Variants in ABHD2 observed in about 807,000 individuals in gnomAD.
ABHD2 encodes the protein monoacylglycerol lipase ABHD2.
A neutral mutation model predicts 48.1 loss-of-function variants in ABHD2; 20 were observed. That is an observed-to-expected ratio of 0.42 (90% CI 0.29 to 0.60). The LOEUF (loss-of-function observed/expected upper bound fraction) is 0.60. ABHD2 is among the 20% of genes least tolerant of loss of function. The pLI, the probability that ABHD2 is intolerant of heterozygous loss-of-function variation, is 0.24. For missense variants in ABHD2, 405 were observed against 550.9 expected (o/e 0.74, Z 2.65); for synonymous variants, 209 against 214.2 (o/e 0.98, Z 0.21).
At chr15:89,058,866 G>A in the ABHD2 span, among the ~76,000 whole-genome samples, 1 of 152,186 alleles carries the variant, frequency 6.6e-6, no homozygotes. Context: ...AGTAATGGGT[G>A]GTGGCGCAGA....
Position 89,201,637 on chromosome 15 carries a change from G to A in ABHD2, c.*6214G>A. ...TTGGGCCTCACACAGTACCGGTGAG[G>A]CACGGTAGTCTTCACTTTGAAACAC... On this transcript the variant is annotated 3_prime_UTR_variant, in exon 11 of 11. Transcript: ENST00000352732. 6.3e-7 allele frequency: 1 copy of A among 1,598,276 alleles called. No homozygotes were observed. The highest frequency in any genetic ancestry group is 1.1e-5 in the South Asian group (1 of 90,750).
At chr15:89,148,055 G>A (rs756738784) in intron 3 of ABHD2, among the ~76,000 whole-genome samples, 4 of 148,424 alleles carry the variant, frequency 2.7e-5, no homozygotes, top group African/African-American at 9.9e-5. Context: ...GGAGGCAGAG[G>A]TAGCAGTGAG....
At chr15:89,118,779 G>A (rs1198272444) in intron 3 of ABHD2, among the ~76,000 whole-genome samples, 1 of 152,182 alleles carries the variant, frequency 6.6e-6, no homozygotes, top group African/African-American at 2.4e-5. Context: ...AAGTGTAAAA[G>A]AAAGCTGACT....
Position 89,164,365 on chromosome 15 carries a change from C to T in ABHD2, c.538+8831C>T, listed in dbSNP as rs545800694. 7.9e-5 allele frequency among the ~76,000 whole-genome samples: 12 copies of T among 152,252 alleles called. No homozygotes were observed. The highest frequency in any genetic ancestry group is 1.6e-4 in the Non-Finnish European group (11 of 68,018). On this transcript the variant is annotated intron_variant, in intron 5 of 10. Transcript: ENST00000352732. The surrounding 1 kb of genome is among the most constrained non-coding windows in gnomAD (Gnocchi z 5.0). Reference sequence around the variant, plus strand: ...TTATATTATTGTGTGTTAATCTCCTCCATCTAGTGTATCACTTAGAGAGAG... The same window carrying T: ...TTATATTATTGTGTGTTAATCTCCTTCATCTAGTGTATCACTTAGAGAGAG...
rs1395714993 is a variant in ABHD2 at position 89,104,278 on chromosome 15, A to G, written c.-106-9447A>G. ...GCTGAAAGAGATGGATGGGTGAGTGACCTCAGCTTTGCCCAGCTGGGGTGA... is the reference window on the plus strand; with the variant it reads ...GCTGAAAGAGATGGATGGGTGAGTGGCCTCAGCTTTGCCCAGCTGGGGTGA... On this transcript the variant is annotated intron_variant, in intron 1 of 10. Transcript: ENST00000352732. This position sits in a 1 kb window ranked among gnomAD's most constrained non-coding sequence, Gnocchi z 4.4. 6.6e-6 allele frequency: 1 copy of G among 152,174 alleles called. No individual in the cohort carries two copies. Among genetic ancestry groups the G allele is most frequent in the South Asian group, 2.1e-4 (1 of 4,832 alleles). 9.4% of individuals were successfully genotyped at this position (152,174 alleles called of 1,614,324 possible). A position where few individuals can be genotyped will look rare whatever the true frequency, so the allele number is the denominator to read the frequency against.
chr15:89,079,940 C>T, the ABHD2 span, among the ~76,000 whole-genome samples: 1 of 152,194 alleles, frequency 6.6e-6, no homozygotes, highest in Non-Finnish European at 1.5e-5. This position sits in a 1 kb window ranked among gnomAD's most constrained non-coding sequence, Gnocchi z 4.3. Flanking sequence ...GCTGCAAAAG[C>T]TCTACTTTGG....
intron 3 of ABHD2, among the ~76,000 whole-genome samples, chr15:89,122,025 C>T (rs1297815929): frequency 6.6e-6 from 1 of 152,090 alleles, no homozygotes; most frequent in Non-Finnish European, 1.5e-5. Flanking sequence ...AGACAGAGCC[C>T]CATTATGTTG....
intron 5 of ABHD2, among the ~76,000 whole-genome samples, chr15:89,156,721 GAA>G (rs77163184): frequency 6.9e-6 from 1 of 144,660 alleles, no homozygotes; most frequent in Non-Finnish European, 1.5e-5. Flanking sequence ...GACTCTGTCT[GAA>G]AAAAAAAAAA....
At chr15:89,073,651 C>CT in the ABHD2 span, among the ~76,000 whole-genome samples, 1 of 152,134 alleles carries the variant, frequency 6.6e-6, no homozygotes, top group Non-Finnish European at 1.5e-5. Flanking sequence ...GCCTCACGCA[C>CT]TACTTCTCAA....
chr15:89,201,106 G>T lies in ABHD2; in HGVS notation c.*5683G>T. On this transcript the variant is annotated 3_prime_UTR_variant, in exon 11 of 11. Coordinates refer to ENST00000352732, the MANE Select transcript of ABHD2 (RefSeq NM_152924.5). Reference sequence around the variant, plus strand: ...TCCAAAAAAAGAAAAGGAATCCAGTGAAAATGGCTGCAATTACAACAAGAA... The same window carrying T: ...TCCAAAAAAAGAAAAGGAATCCAGTTAAAATGGCTGCAATTACAACAAGAA... The T allele has an allele frequency of 9.6e-7, 1 of 1,040,470 alleles. No individual in the cohort carries two copies. The highest frequency in any genetic ancestry group is 1.5e-6 in the Non-Finnish European group (1 of 660,494). The allele number at this position is 1,040,470 out of a possible 1,614,324, so 64.5% of individuals were successfully genotyped here. A position where few individuals can be genotyped will look rare whatever the true frequency, so the allele number is the denominator to read the frequency against.
At chr15:89,119,923 C>T (rs1026178897) in intron 3 of ABHD2, among the ~76,000 whole-genome samples, 1 of 152,178 alleles carries the variant, frequency 6.6e-6, no homozygotes, top group African/African-American at 2.4e-5. Flanking sequence ...ACAAGGAAGC[C>T]TGTCTGCAGC....
chr15:89,060,163 T>TCACTGCAA, the ABHD2 span, among the ~76,000 whole-genome samples: 1,041 of 138,932 alleles, frequency 7.5e-3, 15 homozygotes, highest in African/African-American at 0.027. Flanking sequence ...CGATCTCAGC[T>TCACTGCAA]CACTGCAACG....
chr15:89,121,043 G>C (rs768204819), intron 3 of ABHD2, among the ~76,000 whole-genome samples: 1 of 152,166 alleles, frequency 6.6e-6, no homozygotes, highest in Non-Finnish European at 1.5e-5. Context: ...ACTCACGTTT[G>C]ACTTTTTTAT....
rs1030267572 is a variant in ABHD2 at position 89,091,409 on chromosome 15, G to A, written c.-107+2846G>A. 6.6e-6 allele frequency among the ~76,000 whole-genome samples: 1 copy of A among 152,174 alleles called. No homozygotes were observed. Among genetic ancestry groups the A allele is most frequent in the African/African-American group, 2.4e-5 (1 of 41,440 alleles). On this transcript the variant is annotated intron_variant, in intron 1 of 10. Transcript: ENST00000352732. This position sits in a 1 kb window ranked among gnomAD's most constrained non-coding sequence, Gnocchi z 5.5. ...AGAGATCAGCCATTTTAGAATAATA[G>A]TTTTCATTTCTTTGCTTGTGTATTA...
chr15:89,077,614 T>C, the ABHD2 span, among the ~76,000 whole-genome samples: 5 of 152,340 alleles, frequency 3.3e-5, no homozygotes, highest in African/African-American at 1.2e-4. Flanking sequence ...GGCATAATCA[T>C]ATTCACCCTG....
chr15:89,185,401 C>G lies in ABHD2; in HGVS notation c.723-23C>G, dbSNP rs1345231281. ...CCTGCACCCCCACACCGCAGTCACC[C>G]TCACTCGCTGTGGTTCTTCCAGGGC... On this transcript the variant is annotated intron_variant, in intron 6 of 10. Coordinates refer to ENST00000352732, the MANE Select transcript of ABHD2 (RefSeq NM_152924.5). The surrounding 1 kb of genome is among the most constrained non-coding windows in gnomAD (Gnocchi z 5.9). The G allele has an allele frequency of 4.3e-6, 7 of 1,609,294 alleles. No individual in the cohort carries two copies. The South Asian group carries it at 7.7e-5, about 18-fold the overall frequency.
Position 89,201,245 on chromosome 15 carries a change from G to T in ABHD2, c.*5822G>T, listed in dbSNP as rs6416547. ...ACCTTCATCTCTCAGGTGTTGATTT[G>T]CTTCTGATAGCTTCATCATTTCTCC... is the stretch of plus-strand genomic sequence containing the variant. On this transcript the variant is annotated 3_prime_UTR_variant, in exon 11 of 11. Transcript: ENST00000352732. 0.88 allele frequency: 1,149,850 copies of T among 1,311,060 alleles called. 504,955 individuals carry two copies. Among genetic ancestry groups the T allele is most frequent in the East Asian group, 1 (43,438 of 43,494 alleles). The allele number at this position is 1,311,060 out of a possible 1,614,324, so 81.2% of individuals were successfully genotyped here.
At chr15:89,125,099 A>G (rs1371794177) in intron 3 of ABHD2, among the ~76,000 whole-genome samples, 1 of 151,758 alleles carries the variant, frequency 6.6e-6, no homozygotes, top group Non-Finnish European at 1.5e-5. Context: ...CAAAAAAAAA[A>G]AAACCAGTTA....
Position 89,196,174 on chromosome 15 carries a change from T to C in ABHD2, c.*751T>C, listed in dbSNP as rs1451336425. ...ACCAAGCAAATTTTGGAAATGCTGT[T>C]CAACAGCGCCCTTAAATTGGAAACA... is the stretch of plus-strand genomic sequence containing the variant. On this transcript the variant is annotated 3_prime_UTR_variant, in exon 11 of 11. Coordinates refer to ENST00000352732, the MANE Select transcript of ABHD2 (RefSeq NM_152924.5). The C allele has an allele frequency of 6.6e-6, 1 of 152,324 alleles. No individual in the cohort carries two copies. The highest frequency in any genetic ancestry group is 2.4e-5 in the African/African-American group (1 of 41,462). The allele number at this position is 152,324 out of a possible 1,614,324, so 9.4% of individuals were successfully genotyped here.
Sources: gnomAD v4.1 joint callset for allele counts (sites outside exome capture counted in the v4.1 genomes callset) on GRCh38, gnomAD v4.1.1 for gene constraint, Gnocchi (gnomAD v3.1) non-coding constraint, MANE v1.5 for transcripts, NCBI Gene and HGNC (gene_info 2026-07-23, HGNC 2026-07-21) for gene names.